Variants in CACNA1S observed in about 807,000 individuals in gnomAD.
The protein encoded by CACNA1S is voltage-dependent L-type calcium channel subunit alpha-1S.
A neutral mutation model predicts 207.4 loss-of-function variants in CACNA1S; 126 were observed. That is an observed-to-expected ratio of 0.61 (90% CI 0.53 to 0.70). CACNA1S has a LOEUF of 0.70. Ranked by LOEUF, CACNA1S falls within the 30% of genes least tolerant of loss-of-function variation. The pLI is 0.00. For missense variants in CACNA1S, 2,349 were observed against 2,422.8 expected, an observed-to-expected ratio of 0.97 and a Z score of 0.64; for synonymous variants, 960 against 932.7, an observed-to-expected ratio of 1.03 and a Z score of -0.53.
intron 2 of CACNA1S, among the ~76,000 whole-genome samples, chr1:201,101,534 G>A (rs925740826): frequency 2.0e-5 from 3 of 152,254 alleles, no homozygotes; most frequent in African/African-American, 7.2e-5. Flanking sequence ...CAGGGGTCCC[G>A]GCTGGGGCAG....
At position 201,077,936 on chromosome 1, in the gene CACNA1S, G is replaced by A. The variant is rs1253021609; in HGVS notation, c.1562C>T (p.Pro521Leu). Residue 521 changes from proline to leucine, a missense_variant, in exon 11 of 44, where the codon CCC becomes CTC. Coordinates refer to ENST00000362061, the MANE Select transcript of CACNA1S (RefSeq NM_000069.3). The part of the protein sequence containing the change: ...ILLVESGAMT[P>L]LGISVLRCIR... ...GCAGCGGAGCACGGAGATGCCCAGG[G>A]GTGTCATGGCACCCGACTCCACCAG... 3.1e-6 allele frequency: 5 copies of A among 1,614,004 alleles called. No individual in the cohort carries two copies. Among genetic ancestry groups the A allele is most frequent in the Non-Finnish European group, 4.2e-6 (5 of 1,179,984 alleles).
chr1:201,092,888 T>C (rs908097346), intron 3 of CACNA1S, among the ~76,000 whole-genome samples: 2 of 152,236 alleles, frequency 1.3e-5, no homozygotes, highest in Admixed American at 1.3e-4. Flanking sequence ...TGGTTGAGCA[T>C]GCAGCCTCTG....
In CACNA1S at chr1:201,053,981, C is replaced by T. The variant is rs56855516; in HGVS notation, c.3667-394G>A. On this transcript the variant is annotated intron_variant, in intron 29 of 43. Coordinates refer to ENST00000362061, the MANE Select transcript of CACNA1S (RefSeq NM_000069.3). The surrounding 1 kb of genome is among the most constrained non-coding windows in gnomAD (Gnocchi z 5.1). ...GGCCCTCCTAGGGCTCCTCCCCTGG[C>T]GTCCTCCCAGTGCAAAGATTTCCCA... 0.062 allele frequency among the ~76,000 whole-genome samples: 9,378 copies of T among 152,264 alleles called. 900 individuals carry two copies. Among genetic ancestry groups the T allele is most frequent in the African/African-American group, 0.21 (8,558 of 41,544 alleles).
chr1:201,109,489 C>T (rs1293590009), intron 2 of CACNA1S, among the ~76,000 whole-genome samples: 1 of 152,128 alleles, frequency 6.6e-6, no homozygotes, highest in Non-Finnish European at 1.5e-5. Context: ...TAAATGCTAG[C>T]CATTTTTATT....
In CACNA1S at chr1:201,076,937, G is replaced by A. The variant is rs1468961569; in HGVS notation, c.1810C>T (p.Leu604Phe). 1 of 1,614,260 alleles carries A rather than the reference G, an allele frequency of 6.2e-7. No homozygotes were observed. Among genetic ancestry groups the A allele is most frequent in the East Asian group, 2.2e-5 (1 of 44,890 alleles). ...RSNFDNFPQA[L>F]ISVFQVLTGE... ...GAGCCTACCTGGAAGACGCTGATGA[G>A]GGCTTGGGGAAAGTTGTCAAAGTTG... The change falls in exon 12 of 44, where the codon CTC (leucine) becomes TTC (phenylalanine). Residue 604 changes from leucine (L) to phenylalanine (F), a missense_variant. Physicochemically the swap from Leu to Phe is conservative, Grantham distance 22. Transcript: ENST00000362061.
At chr1:201,065,743 A>G in intron 22 of CACNA1S, 95 bp downstream of exon 22, 1 of 809,250 alleles carries the variant, frequency 1.2e-6, no homozygotes, top group Non-Finnish European at 2.2e-6. Context: ...GCATTCGAAG[A>G]CATCTGTTTT....
chr1:201,096,806 G>A (rs765704228), intron 2 of CACNA1S, among the ~76,000 whole-genome samples: 7 of 152,170 alleles, frequency 4.6e-5, no homozygotes, highest in African/African-American at 1.4e-4. Context: ...TATGAGACAC[G>A]TGGGCCCTTG....
At chr1:201,082,742 T>G (rs987825989) in intron 10 of CACNA1S, among the ~76,000 whole-genome samples, 1 of 152,204 alleles carries the variant, frequency 6.6e-6, no homozygotes, top group African/African-American at 2.4e-5. Flanking sequence ...GCCTTACATG[T>G]AGGATGCACT....
chr1:201,085,333 G>T, intron 8 of CACNA1S, 103 bp downstream of exon 8: 1 of 1,480,256 alleles, frequency 6.8e-7, no homozygotes, highest in South Asian at 1.1e-5. Context: ...CACCCTCAAA[G>T]GACTAATGTT....
intron 2 of CACNA1S, among the ~76,000 whole-genome samples, chr1:201,103,115 G>A (rs554234814): frequency 9.9e-5 from 15 of 152,230 alleles, no homozygotes; most frequent in South Asian, 2.1e-4. Context: ...GTGTGGTGAC[G>A]TGTGCCTGTA....
intron 28 of CACNA1S, among the ~76,000 whole-genome samples, chr1:201,057,472 G>C (rs1295253672): frequency 6.6e-6 from 1 of 152,212 alleles, no homozygotes; most frequent in East Asian, 1.9e-4. Context: ...TGTCATATTA[G>C]AGATTGATTT....
rs749331846 is a variant in CACNA1S, at chr1:201,053,473, T to C, written c.3781A>G (p.Ile1261Val). 3.7e-6 allele frequency: 6 copies of C among 1,614,148 alleles called. No homozygotes were observed. Among genetic ancestry groups the C allele is most frequent in the Non-Finnish European group, 5.1e-6 (6 of 1,180,022 alleles). The stretch of plus-strand genomic sequence containing the variant: ...CCCTGTTGCACCTGGAAGGACTTGA[T>C]GAACGTCCACAGGAGGGTTCGCACT... ...EGVRTLLWTFIKSFQALPYVA... is the reference protein window; with the variant it reads ...EGVRTLLWTFVKSFQALPYVA... Residue 1261 changes from isoleucine (I) to valine (V), a missense_variant, in exon 30 of 44, where the codon ATC becomes GTC. Coordinates refer to ENST00000362061, the MANE Select transcript of CACNA1S (RefSeq NM_000069.3). This position sits in a 1 kb window ranked among gnomAD's most constrained non-coding sequence, Gnocchi z 5.1.
In CACNA1S at chr1:201,066,447, C is replaced by T. The variant is rs1336465320; in HGVS notation, c.2658-131G>A. 1 of 774,776 alleles carries T rather than the reference C, an allele frequency of 1.3e-6. No homozygotes were observed. The highest frequency in any genetic ancestry group is 2.2e-6 in the Non-Finnish European group (1 of 450,284). 48.0% of individuals were successfully genotyped at this position (774,776 alleles called of 1,614,324 possible). ...TGCCTGAAAACACTCCCACCTTCCC[C>T]TTCCCTTTCCTCCAGCCGTGAGAGT... On this transcript the variant is annotated intron_variant, in intron 20 of 43. Coordinates refer to ENST00000362061, the MANE Select transcript of CACNA1S (RefSeq NM_000069.3). The surrounding 1 kb of genome is among the most constrained non-coding windows in gnomAD (Gnocchi z 4.3).
intron 2 of CACNA1S, among the ~76,000 whole-genome samples, chr1:201,109,226 AGAGT>A (rs1276733444): frequency 2.0e-5 from 3 of 146,634 alleles, no homozygotes; most frequent in Non-Finnish European, 3.0e-5. Context: ...CCTGGGCAAC[AGAGT>A]GAGACTCTGT....
At chr1:201,107,520 C>T (rs902793408) in intron 2 of CACNA1S, among the ~76,000 whole-genome samples, 2 of 152,170 alleles carry the variant, frequency 1.3e-5, no homozygotes, top group African/African-American at 4.8e-5. Context: ...AGTGATATCC[C>T]CAGTATGTGC....
chr1:201,044,239 CGT>C, intron 39 of CACNA1S, 87 bp downstream of exon 39: 1 of 1,551,012 alleles, frequency 6.4e-7, no homozygotes, highest in South Asian at 1.1e-5. Context: ...GTCCCCCTCT[CGT>C]GTGGCTGGGC....
At position 201,040,358 on chromosome 1, in the gene CACNA1S, G is replaced by A. The variant is rs1248917829; in HGVS notation, c.5243C>T (p.Ser1748Phe). The change falls in exon 43 of 44, where the codon TCC (serine) becomes TTC (phenylalanine). Residue 1748 changes from serine (S) to phenylalanine (F), a missense_variant. Physicochemically the swap from Ser to Phe is radical, Grantham distance 155. Transcript: ENST00000362061. ...GCTCTTTCTGTCCTCAGGCATGGAG[G>A]ACTCCACCCTGGGGCACTGTTCCAA... ...PAPCQCPRVE[S>F]SMPEDRKSST... 3 of 1,613,546 alleles carry A rather than the reference G, an allele frequency of 1.9e-6. No homozygotes were observed. The South Asian group carries it at 3.3e-5, about 18-fold the overall frequency.
intron 41 of CACNA1S, among the ~76,000 whole-genome samples, chr1:201,041,038 G>C (rs912813685): frequency 2.0e-5 from 3 of 152,220 alleles, no homozygotes; most frequent in African/African-American, 7.2e-5. Context: ...GAACACAGCA[G>C]TATCCTTATT....
chr1:201,082,537 T>G (rs1455329923), intron 10 of CACNA1S, among the ~76,000 whole-genome samples: 2 of 152,210 alleles, frequency 1.3e-5, no homozygotes, highest in African/African-American at 4.8e-5. Flanking sequence ...TTACCTATCC[T>G]TTAAGATCCA....
Sources: gnomAD v4.1 joint callset for allele counts (sites outside exome capture counted in the v4.1 genomes callset) on GRCh38, gnomAD v4.1.1 for gene constraint, Gnocchi (gnomAD v3.1) non-coding constraint, MANE v1.5 for transcripts, NCBI Gene and HGNC (gene_info 2026-07-23, HGNC 2026-07-21) for gene names.